The following SIPA1L2 variants were observed in gnomAD, a reference collection of about 807,000 sequenced individuals.
SIPA1L2 encodes the protein signal induced proliferation associated 1 like 2.
Under a neutral mutation model 163.9 loss-of-function variants are expected in SIPA1L2, and 56 were observed. The observed-to-expected ratio is 0.34, with a 90% CI of 0.28 to 0.43. The LOEUF (loss-of-function observed/expected upper bound fraction) is 0.43. SIPA1L2 is among the 20% of genes least tolerant of loss of function. The pLI is 1.00. For synonymous variants in SIPA1L2, 877 were observed against 865.7 expected (o/e 1.01, Z -0.23); for missense variants, 1,974 against 2,193.5 (o/e 0.90, Z 2.00).
intron 3 of SIPA1L2, among the ~76,000 whole-genome samples, chr1:232,513,013 G>C (rs1358268743): frequency 6.6e-6 from 1 of 152,170 alleles, no homozygotes; most frequent in Non-Finnish European, 1.5e-5. Flanking sequence ...GCTCTGAAAA[G>C]TAAGCTGCAC....
chr1:232,468,298 C>A (rs1222202228), intron 8 of SIPA1L2, among the ~76,000 whole-genome samples: 1 of 152,160 alleles, frequency 6.6e-6, no homozygotes, highest in East Asian at 1.9e-4. Flanking sequence ...AAGGCCCCTC[C>A]AGCAAAAGCA....
intron 19 of SIPA1L2, among the ~76,000 whole-genome samples, chr1:232,407,351 T>C (rs1660702759): frequency 6.6e-6 from 1 of 152,192 alleles, no homozygotes; most frequent in Admixed American, 6.5e-5. Flanking sequence ...ATACACACAC[T>C]CTCTCATACA....
chr1:232,432,248 C>G lies in SIPA1L2; in HGVS notation c.4255G>C (p.Gly1419Arg), dbSNP rs748738977. 1.2e-6 allele frequency: 2 copies of G among 1,613,152 alleles called. No individual in the cohort carries two copies. Among genetic ancestry groups the G allele is most frequent in the Admixed American group, 3.3e-5 (2 of 59,948 alleles). ...PEEPEVTECP[G>R]MYSEMDVMST... ...GAGAAGAACAGCCAGCCACCTTACC[C>G]GGGACATTCAGTCACTTCAGGCTCC... is the stretch of plus-strand genomic sequence containing the variant. The change falls in exon 16 of 23, where the codon GGG becomes CGG. Residue 1419 changes from glycine to arginine, a missense_variant and splice_region_variant. Gly to Arg is a moderately radical substitution (Grantham distance 125). Coordinates refer to ENST00000674635, the MANE Select transcript of SIPA1L2 (RefSeq NM_020808.5).
intron 10 of SIPA1L2, among the ~76,000 whole-genome samples, chr1:232,449,381 G>A (rs1443275626): frequency 6.6e-6 from 1 of 152,028 alleles, no homozygotes; most frequent in Non-Finnish European, 1.5e-5. Context: ...GGCCGGGCAC[G>A]GTGGTGGGCG....
chr1:232,536,308 A>G (rs754109125), intron 2 of SIPA1L2, among the ~76,000 whole-genome samples: 3 of 152,200 alleles, frequency 2.0e-5, no homozygotes, highest in African/African-American at 7.2e-5. Context: ...ATTCTTACCA[A>G]TGTCTGGTGT....
chr1:232,479,278 T>C (rs1665199818), intron 7 of SIPA1L2, among the ~76,000 whole-genome samples: 1 of 152,174 alleles, frequency 6.6e-6, no homozygotes, highest in Non-Finnish European at 1.5e-5. Flanking sequence ...AACAGTATTC[T>C]CTATAAATAA....
intron 7 of SIPA1L2, among the ~76,000 whole-genome samples, chr1:232,477,372 G>C (rs192114201): frequency 1.3e-5 from 2 of 152,230 alleles, no homozygotes; most frequent in Admixed American, 1.3e-4. Context: ...TATTTTAAGT[G>C]CTTTACATGC....
At chr1:232,480,154 CGTGTGTGTGTGTGTGTGTGT>C (rs536840154) in intron 6 of SIPA1L2, among the ~76,000 whole-genome samples, 1 of 132,740 alleles carries the variant, frequency 7.5e-6, no homozygotes, top group African/African-American at 3.0e-5. Context: ...TGTGTGTGTG[CGTGTGTGTGTGTGTGTGTGT>C]GTGTGTGTGT....
At chr1:232,629,242 G>A (rs1285841064) in intron 1 of SIPA1L2, among the ~76,000 whole-genome samples, 1 of 152,202 alleles carries the variant, frequency 6.6e-6, no homozygotes, top group Non-Finnish European at 1.5e-5. Context: ...AAATTAATCT[G>A]TAGGTGTTCC....
intron 1 of SIPA1L2, among the ~76,000 whole-genome samples, chr1:232,605,866 C>T (rs534860679): frequency 1.3e-5 from 2 of 152,304 alleles, no homozygotes; most frequent in African/African-American, 2.4e-5. Flanking sequence ...TTCTTACACA[C>T]ATCACACATA....
chr1:232,544,862 C>T (rs1401454190), intron 2 of SIPA1L2, among the ~76,000 whole-genome samples: 3 of 152,124 alleles, frequency 2.0e-5, no homozygotes, highest in African/African-American at 7.2e-5. Context: ...AAAGCAGATC[C>T]CCTCTTCTCT....
chr1:232,591,447 G>T (rs2102828399), intron 1 of SIPA1L2, among the ~76,000 whole-genome samples: 1 of 152,362 alleles, frequency 6.6e-6, no homozygotes, highest in African/African-American at 2.4e-5. Flanking sequence ...GTCTGCCGAG[G>T]ATGGGCAGTG....
intron 7 of SIPA1L2, among the ~76,000 whole-genome samples, chr1:232,478,024 T>C (rs1168893835): frequency 1.3e-5 from 2 of 152,122 alleles, no homozygotes; most frequent in Non-Finnish European, 2.9e-5. Flanking sequence ...TCCCACAGAG[T>C]TTAATTACTG....
intron 1 of SIPA1L2, among the ~76,000 whole-genome samples, chr1:232,577,881 T>C (rs553296100): frequency 2.6e-5 from 4 of 152,246 alleles, no homozygotes; most frequent in African/African-American, 7.2e-5. Flanking sequence ...TTTAGGAAAT[T>C]ACATAAACTT....
intron 2 of SIPA1L2, among the ~76,000 whole-genome samples, chr1:232,568,668 TG>T (rs1041022085): frequency 2.6e-5 from 4 of 152,178 alleles, no homozygotes; most frequent in Admixed American, 2.6e-4. Context: ...CTCAGGCCCT[TG>T]ATGACCTCAT....
chr1:232,583,851 T>C (rs1357949833), intron 1 of SIPA1L2, among the ~76,000 whole-genome samples: 1 of 140,522 alleles, frequency 7.1e-6, no homozygotes, highest in African/African-American at 2.6e-5. Context: ...GAAAATGATG[T>C]AACAAAGGCC....
At chr1:232,455,711 T>C (rs536337643) in intron 10 of SIPA1L2, among the ~76,000 whole-genome samples, 27 of 68,316 alleles carry the variant, frequency 4.0e-4, no homozygotes, top group African/African-American at 1.7e-3. Context: ...CGAGACTCTG[T>C]CTCAAAAAAA....
At chr1:232,485,158 A>C (rs1322320526) in intron 5 of SIPA1L2, among the ~76,000 whole-genome samples, 1 of 152,236 alleles carries the variant, frequency 6.6e-6, no homozygotes, top group African/African-American at 2.4e-5. Flanking sequence ...TTCTGAATGC[A>C]TTCCGATCTT....
At position 232,536,250 on chromosome 1, in the gene SIPA1L2, ACT is replaced by A. The variant is rs1363892573; in HGVS notation, c.-269-20644_-269-20643del. Among the ~76,000 whole-genome samples, 4 of 152,104 alleles carry A rather than the reference ACT, an allele frequency of 2.6e-5. No individual in the cohort carries two copies. The East Asian group carries it at 7.7e-4, about 29-fold the overall frequency. On this transcript the variant is annotated intron_variant, in intron 2 of 22. Transcript: ENST00000674635. ...TCTCGCCTCTCTCCCGAAATCCTTC[ACT>A]CTCTTTTGGCAATGCAGCCTCATCT...
Sources: allele counts gnomAD v4.1 joint callset (sites outside exome capture counted in the v4.1 genomes callset), GRCh38; gene constraint gnomAD v4.1.1; transcripts MANE v1.5; gene names NCBI Gene and HGNC (gene_info 2026-07-23, HGNC 2026-07-21).